TLN2: variants seen among roughly 807,000 people sequenced by gnomAD.
TLN2 encodes talin-2.
In TLN2, 118 loss-of-function variants were observed where a neutral mutation model predicts 294.7. That is an observed-to-expected ratio of 0.40 (90% CI 0.34 to 0.47). The LOEUF is 0.47. Ranked by LOEUF, TLN2 falls within the 20% of genes least tolerant of loss-of-function variation. The probability of loss-of-function intolerance (pLI) is 0.84; values close to 1 mark genes in which losing one functional copy is unlikely to be tolerated. For missense variants in TLN2, 3,083 were observed against 3,282.2 expected, an observed-to-expected ratio of 0.94 and a Z score of 1.48; for synonymous variants, 1,431 against 1,304.5, an observed-to-expected ratio of 1.10 and a Z score of -2.09.
rs531721709 is a variant in TLN2, at chr15:62,448,662, G to A, written c.-238+57977G>A. 6.6e-5 allele frequency among the ~76,000 whole-genome samples: 10 copies of A among 152,308 alleles called. No individual in the cohort carries two copies. In the South Asian group the frequency reaches 2.1e-3, roughly 32 times the overall value. ...TTTTAATCACAGAGAGAAATGCTGA[G>A]GTTTGTTTTAACTGAGATACAAAAT... On this transcript the variant is annotated intron_variant, in intron 1 of 58. Transcript: ENST00000636159.
intron 1 of TLN2, among the ~76,000 whole-genome samples, chr15:62,410,197 A>G (rs1182863088): frequency 2.6e-5 from 4 of 152,064 alleles, no homozygotes; most frequent in Non-Finnish European, 4.4e-5. Context: ...AGCTGAGATC[A>G]CGCCATTGCA....
intron 2 of TLN2, among the ~76,000 whole-genome samples, chr15:62,598,268 G>C (rs948130266): frequency 6.6e-6 from 1 of 152,212 alleles, no homozygotes; most frequent in African/African-American, 2.4e-5. Context: ...GGGGCAGGCT[G>C]AGAGCGTGGT....
chr15:62,815,278 ACT>A, intron 52 of TLN2, among the ~76,000 whole-genome samples: 1 of 150,592 alleles, frequency 6.6e-6, no homozygotes, highest in South Asian at 2.1e-4. Context: ...CTGCAGAAAG[ACT>A]CTGTATGATC....
chr15:62,476,985 G>C (rs1279604122), intron 1 of TLN2, among the ~76,000 whole-genome samples: 1 of 152,110 alleles, frequency 6.6e-6, no homozygotes, highest in East Asian at 1.9e-4. Context: ...AAACAGGTTA[G>C]ATCTCTTTAG....
chr15:62,446,268 C>T (rs1332121630), intron 1 of TLN2, among the ~76,000 whole-genome samples: 1 of 152,170 alleles, frequency 6.6e-6, no homozygotes, highest in African/African-American at 2.4e-5. Context: ...GCTGGGATCA[C>T]AGGTGCGAGC....
intron 53 of TLN2, among the ~76,000 whole-genome samples, chr15:62,820,150 G>T (rs530401366): frequency 1.3e-5 from 2 of 152,144 alleles, no homozygotes; most frequent in African/African-American, 4.8e-5. Context: ...GCATAGTGTA[G>T]TGTCTCCTGA....
At chr15:62,391,607 G>A (rs1048910892) in intron 1 of TLN2, among the ~76,000 whole-genome samples, 7 of 152,238 alleles carry the variant, frequency 4.6e-5, no homozygotes, top group Non-Finnish European at 8.8e-5. Flanking sequence ...CGCCCCAGTC[G>A]GAGAGGCCTG....
chr15:62,528,467 G>C (rs2040855511), intron 1 of TLN2, among the ~76,000 whole-genome samples: 1 of 152,032 alleles, frequency 6.6e-6, no homozygotes, highest in Non-Finnish European at 1.5e-5. Context: ...TCCTGGCTTG[G>C]GCATGTCCAG....
At chr15:62,500,005 C>A (rs2039224856) in intron 1 of TLN2, among the ~76,000 whole-genome samples, 2 of 151,990 alleles carry the variant, frequency 1.3e-5, no homozygotes. Context: ...AGTGAAGGTC[C>A]AAAACAGATG....
intron 1 of TLN2, among the ~76,000 whole-genome samples, chr15:62,481,397 A>G (rs2140384223): frequency 6.6e-6 from 1 of 152,204 alleles, no homozygotes; most frequent in African/African-American, 2.4e-5. Context: ...TATGTTTTTT[A>G]TTTATTTTTT....
At chr15:62,720,970 CT>C (rs1215994968) in intron 25 of TLN2, among the ~76,000 whole-genome samples, 1 of 152,208 alleles carries the variant, frequency 6.6e-6, no homozygotes, top group East Asian at 1.9e-4. Flanking sequence ...GCATTTCTCT[CT>C]TCATTTGGGA....
At chr15:62,549,230 C>T (rs1010552891) in intron 1 of TLN2, among the ~76,000 whole-genome samples, 4 of 152,234 alleles carry the variant, frequency 2.6e-5, no homozygotes, top group East Asian at 1.9e-4. Context: ...TTCTTCTGTT[C>T]GGTTATTCCA....
In TLN2 at chr15:62,652,074, G is replaced by T; in HGVS notation, c.304G>T (p.Val102Leu). ...IRMLDGSVKTVMVDDSKTVGE... is the reference protein window; with the variant it reads ...IRMLDGSVKTLMVDDSKTVGE... ...GATGCTGGATGGATCTGTGAAGACAGTGATGGTGGATGATTCCAAGACTGT... is the reference window on the plus strand; with the variant it reads ...GATGCTGGATGGATCTGTGAAGACATTGATGGTGGATGATTCCAAGACTGT... The change falls in exon 6 of 59, where the codon GTG (valine) becomes TTG (leucine). Residue 102 changes from valine to leucine, a missense_variant. Transcript: ENST00000636159. 1.2e-6 allele frequency: 2 copies of T among 1,612,106 alleles called. No individual in the cohort carries two copies. The highest frequency in any genetic ancestry group is 1.7e-6 in the Non-Finnish European group (2 of 1,178,782).
intron 25 of TLN2, 150 bp downstream of exon 25, chr15:62,720,030 T>C (rs1403906900): frequency 1.3e-5 from 7 of 531,450 alleles, no homozygotes; most frequent in Non-Finnish European, 2.1e-5. Flanking sequence ...CTTTCCAGTT[T>C]CAGGAGAGGT....
chr15:62,524,452 T>C (rs988201099), intron 1 of TLN2, among the ~76,000 whole-genome samples: 4 of 152,142 alleles, frequency 2.6e-5, no homozygotes, highest in African/African-American at 4.8e-5. Context: ...CAGCGTGCTG[T>C]AGAGAGAAGA....
At chr15:62,737,301 T>C (rs2061077626) in intron 29 of TLN2, among the ~76,000 whole-genome samples, 2 of 152,364 alleles carry the variant, frequency 1.3e-5, no homozygotes, top group Middle Eastern at 6.8e-3. Context: ...TCTGCTTAAT[T>C]CACAGTCAGC....
intron 2 of TLN2, among the ~76,000 whole-genome samples, chr15:62,609,480 G>T (rs1205654657): frequency 6.6e-6 from 1 of 152,176 alleles, no homozygotes; most frequent in Non-Finnish European, 1.5e-5. Context: ...TCTCCTTCAG[G>T]CTGGAACAGT....
chr15:62,641,827 C>T (rs1424036130), intron 3 of TLN2, among the ~76,000 whole-genome samples: 1 of 152,118 alleles, frequency 6.6e-6, no homozygotes, highest in Admixed American at 6.6e-5. Flanking sequence ...CAGGGCACTT[C>T]GTGGTCCTCC....
intron 1 of TLN2, among the ~76,000 whole-genome samples, chr15:62,537,402 T>C (rs2140512894): frequency 6.6e-6 from 1 of 152,256 alleles, no homozygotes; most frequent in Middle Eastern, 3.4e-3. Context: ...TCCTTGATAT[T>C]TGGGGGTTGG....
Sources: gnomAD v4.1 joint callset for allele counts (sites outside exome capture counted in the v4.1 genomes callset) on GRCh38, gnomAD v4.1.1 for gene constraint, MANE v1.5 for transcripts, NCBI Gene and HGNC (gene_info 2026-07-23, HGNC 2026-07-21) for gene names.